NKAIN2: variants seen among roughly 807,000 people sequenced by gnomAD.
NKAIN2 encodes sodium/potassium-transporting ATPase subunit beta-1-interacting protein 2.
A neutral mutation model predicts 32.6 loss-of-function variants in NKAIN2; 14 were observed. That is an observed-to-expected ratio of 0.43 (90% CI 0.28 to 0.67). The LOEUF is 0.67. NKAIN2 is among the 30% of genes least tolerant of loss of function. NKAIN2 has a pLI of 0.17. For synonymous variants in NKAIN2, 80 were observed against 87.2 expected (o/e 0.92, Z 0.46); for missense variants, 198 against 258.3 (o/e 0.77, Z 1.60).
chr6:124,574,460 A>G (rs1201355788), intron 3 of NKAIN2, among the ~76,000 whole-genome samples: 1 of 152,120 alleles, frequency 6.6e-6, no homozygotes, highest in African/African-American at 2.4e-5. Flanking sequence ...TCTACTAAAA[A>G]TACAAAAATT....
At chr6:124,003,050 A>T (rs752925614) in intron 1 of NKAIN2, among the ~76,000 whole-genome samples, 50 of 152,214 alleles carry the variant, frequency 3.3e-4, no homozygotes, top group Non-Finnish European at 5.1e-4. Flanking sequence ...ATTCCTCAGA[A>T]GATAATTCTG....
Position 124,447,960 on chromosome 6 carries a change from G to A in NKAIN2, c.273+92613G>A, listed in dbSNP as rs139163647. Among the ~76,000 whole-genome samples, 385 of 152,162 alleles carry A rather than the reference G, an allele frequency of 2.5e-3. 4 individuals carry two copies. The highest frequency in any genetic ancestry group is 8.5e-3 in the African/African-American group (352 of 41,538). On this transcript the variant is annotated intron_variant, in intron 3 of 6. Coordinates refer to ENST00000368417, the MANE Select transcript of NKAIN2 (RefSeq NM_001040214.3). ...TAAATTCCATCGTATGATGTGTGAA[G>A]GGATACAGTATGTATCCCTTAAGTA...
chr6:124,720,787 G>T (rs1775976390), intron 4 of NKAIN2, among the ~76,000 whole-genome samples: 1 of 152,138 alleles, frequency 6.6e-6, no homozygotes, highest in African/African-American at 2.4e-5. Flanking sequence ...GTTCCATTTG[G>T]TGAAAAGAAT....
At chr6:124,216,800 C>T (rs72980425) in intron 1 of NKAIN2, among the ~76,000 whole-genome samples, 1 of 152,018 alleles carries the variant, frequency 6.6e-6, no homozygotes, top group African/African-American at 2.4e-5. Context: ...AATATATTGA[C>T]AAATAGGTTG....
intron 4 of NKAIN2, among the ~76,000 whole-genome samples, chr6:124,690,386 G>A (rs1047266079): frequency 1.2e-4 from 18 of 152,046 alleles, no homozygotes; most frequent in African/African-American, 3.9e-4. Flanking sequence ...CGTATGGTTT[G>A]CAAAGACAGT....
intron 4 of NKAIN2, among the ~76,000 whole-genome samples, chr6:124,708,144 A>C: frequency 6.8e-6 from 1 of 146,972 alleles, no homozygotes; most frequent in South Asian, 2.2e-4. Context: ...CAAAGATCAG[A>C]TAGTTGTAGA....
chr6:124,042,469 C>T (rs1407017622), intron 1 of NKAIN2, among the ~76,000 whole-genome samples: 2 of 152,016 alleles, frequency 1.3e-5, no homozygotes, highest in Non-Finnish European at 2.9e-5. Context: ...AAGATCATTT[C>T]CTTATTCTAC....
intron 3 of NKAIN2, among the ~76,000 whole-genome samples, chr6:124,604,733 C>A (rs1782434854): frequency 6.6e-6 from 1 of 151,910 alleles, no homozygotes; most frequent in Non-Finnish European, 1.5e-5. Context: ...TTGAGTGGAG[C>A]AATGAAATCC....
chr6:124,044,688 C>T (rs1035166872), intron 1 of NKAIN2, among the ~76,000 whole-genome samples: 8 of 152,032 alleles, frequency 5.3e-5, no homozygotes, highest in Non-Finnish European at 8.8e-5. Context: ...CAAGGCCATT[C>T]GCCTAGACAG....
chr6:124,484,065 T>A lies in NKAIN2; in HGVS notation c.273+128718T>A, dbSNP rs180904795. On this transcript the variant is annotated intron_variant, in intron 3 of 6. Coordinates refer to ENST00000368417, the MANE Select transcript of NKAIN2 (RefSeq NM_001040214.3). ...CACTGGCATAAGTGTACTTGCTACA[T>A]GCCTGAGTGACATCTGTGGCTTGTT... Among the ~76,000 whole-genome samples the A allele has an allele frequency of 4.0e-3, 617 of 152,376 alleles. 14 individuals are homozygous for A. The highest frequency in any genetic ancestry group is 0.027 in the Admixed American group (408 of 15,306).
intron 4 of NKAIN2, among the ~76,000 whole-genome samples, chr6:124,679,388 C>G (rs1403841665): frequency 6.6e-6 from 1 of 152,128 alleles, no homozygotes; most frequent in East Asian, 1.9e-4. Flanking sequence ...TTGGGCAGCC[C>G]TCCAAAAAGT....
At chr6:124,649,121 T>A (rs777922749) in intron 3 of NKAIN2, among the ~76,000 whole-genome samples, 1 of 152,038 alleles carries the variant, frequency 6.6e-6, no homozygotes, top group Non-Finnish European at 1.5e-5. Flanking sequence ...AGGAAAGACC[T>A]ACTACAAATT....
rs561796956 is a variant in NKAIN2 at position 124,039,890 on chromosome 6, T to G, written c.54+235636T>G. On this transcript the variant is annotated intron_variant, in intron 1 of 6. Coordinates refer to ENST00000368417, the MANE Select transcript of NKAIN2 (RefSeq NM_001040214.3). Reference sequence around the variant, plus strand: ...TGTAATAATTAATAGTGGACATCTTTACTTTAACAAGAATGCTTCTTATTC... The same window carrying G: ...TGTAATAATTAATAGTGGACATCTTGACTTTAACAAGAATGCTTCTTATTC... 7.2e-5 allele frequency among the ~76,000 whole-genome samples: 11 copies of G among 152,128 alleles called. No individual in the cohort carries two copies. The South Asian group carries it at 2.3e-3, about 32-fold the overall frequency.
In NKAIN2 at chr6:124,359,093, C is replaced by T. The variant is rs570675736; in HGVS notation, c.273+3746C>T. ...AGATCAGATAGTTGTAGATATGCAGCATTATTTCTGAGGGCCCTGTTCTGT... is the reference window on the plus strand; with the variant it reads ...AGATCAGATAGTTGTAGATATGCAGTATTATTTCTGAGGGCCCTGTTCTGT... On this transcript the variant is annotated intron_variant, in intron 3 of 6. Coordinates refer to ENST00000368417, the MANE Select transcript of NKAIN2 (RefSeq NM_001040214.3). Among the ~76,000 whole-genome samples, 64 of 152,162 alleles carry T rather than the reference C, an allele frequency of 4.2e-4. No homozygotes were observed. The South Asian group carries it at 0.013, about 32-fold the overall frequency.
At chr6:124,557,232 C>G (rs1200848779) in intron 3 of NKAIN2, among the ~76,000 whole-genome samples, 1 of 152,108 alleles carries the variant, frequency 6.6e-6, no homozygotes, top group Non-Finnish European at 1.5e-5. Flanking sequence ...AGAAATGCTT[C>G]TACTTCTTGA....
intron 1 of NKAIN2, among the ~76,000 whole-genome samples, chr6:124,271,310 G>T (rs542785444): frequency 6.6e-6 from 1 of 152,128 alleles, no homozygotes; most frequent in East Asian, 1.9e-4. Flanking sequence ...TCCACCTCCC[G>T]GGTTCACGCC....
chr6:124,084,351 C>G (rs958541608), intron 1 of NKAIN2, among the ~76,000 whole-genome samples: 4 of 151,910 alleles, frequency 2.6e-5, no homozygotes, highest in African/African-American at 9.7e-5. Flanking sequence ...TTAGATATGG[C>G]TTGCCATTGT....
At chr6:124,136,679 C>G (rs1786806936) in intron 1 of NKAIN2, among the ~76,000 whole-genome samples, 1 of 151,986 alleles carries the variant, frequency 6.6e-6, no homozygotes, top group African/African-American at 2.4e-5. Flanking sequence ...GGTTTTATAC[C>G]AGGGATGCAG....
chr6:124,339,973 G>A (rs896922961), intron 2 of NKAIN2, among the ~76,000 whole-genome samples: 19 of 152,114 alleles, frequency 1.2e-4, no homozygotes, highest in Middle Eastern at 6.8e-3. Context: ...TCAATACCTA[G>A]GTAATCAGAA....
Sources: gnomAD v4.1 joint callset for allele counts (sites outside exome capture counted in the v4.1 genomes callset) on GRCh38, gnomAD v4.1.1 for gene constraint, MANE v1.5 for transcripts, NCBI Gene and HGNC (gene_info 2026-07-23, HGNC 2026-07-21) for gene names.